The following BICC1 variants were observed in gnomAD, a reference collection of about 807,000 sequenced individuals.
BICC1 encodes BicC family RNA binding protein 1.
Under a neutral mutation model 111.0 loss-of-function variants are expected in BICC1, and 43 were observed. The observed-to-expected ratio is 0.39, with a 90% CI of 0.30 to 0.50. The LOEUF is 0.50. Ranked by LOEUF, BICC1 falls within the 20% of genes least tolerant of loss-of-function variation. The pLI is 0.88. For synonymous variants in BICC1, 467 were observed against 434.4 expected (o/e 1.07, Z -0.93); for missense variants, 1,091 against 1,203.2 (o/e 0.91, Z 1.38).
intron 1 of BICC1, among the ~76,000 whole-genome samples, chr10:58,574,047 G>T (rs1010064493): frequency 1.4e-4 from 21 of 152,108 alleles, no homozygotes; most frequent in Non-Finnish European, 2.9e-4. Context: ...TGACTCTGGA[G>T]TGTGAGCCTC....
intron 1 of BICC1, among the ~76,000 whole-genome samples, chr10:58,600,329 A>G (rs1350517947): frequency 6.6e-6 from 1 of 152,148 alleles, no homozygotes; most frequent in African/African-American, 2.4e-5. Flanking sequence ...CTGAGTAGGT[A>G]CAGTTAAGCT....
intron 2 of BICC1, among the ~76,000 whole-genome samples, chr10:58,668,082 G>A (rs562668541): frequency 1.8e-4 from 27 of 152,036 alleles, no homozygotes; most frequent in East Asian, 7.7e-4. Context: ...AATATTTCAC[G>A]GTCATCCGGC....
At chr10:58,755,654 A>G (rs1303214971) in intron 3 of BICC1, among the ~76,000 whole-genome samples, 2 of 151,494 alleles carry the variant, frequency 1.3e-5, no homozygotes, top group Admixed American at 6.6e-5. Context: ...TTAAAATTAC[A>G]TTCCTGTCTT....
chr10:58,567,236 A>G (rs961760338), intron 1 of BICC1, among the ~76,000 whole-genome samples: 2 of 152,122 alleles, frequency 1.3e-5, no homozygotes, highest in African/African-American at 4.8e-5. Context: ...GCTTAAGGGT[A>G]TAAACTTTAG....
chr10:58,619,982 C>G (rs542783481), intron 1 of BICC1, among the ~76,000 whole-genome samples: 1 of 152,314 alleles, frequency 6.6e-6, no homozygotes, highest in South Asian at 2.1e-4. Flanking sequence ...GTTCTCACTT[C>G]AGTACCTTTC....
intron 3 of BICC1, among the ~76,000 whole-genome samples, chr10:58,750,029 TGACATG>T (rs1249242297): frequency 3.9e-5 from 6 of 152,104 alleles, no homozygotes; most frequent in Non-Finnish European, 7.4e-5. Flanking sequence ...ACCTGGTGTT[TGACATG>T]GACTTTGAAG....
chr10:58,555,064 A>G (rs553664041), intron 1 of BICC1, among the ~76,000 whole-genome samples: 2 of 152,118 alleles, frequency 1.3e-5, no homozygotes, highest in South Asian at 4.1e-4. Flanking sequence ...GAAAAAGAAC[A>G]AGTAATAAGT....
intron 3 of BICC1, among the ~76,000 whole-genome samples, chr10:58,784,424 T>G (rs1842955796): frequency 3.3e-5 from 5 of 152,220 alleles, no homozygotes; most frequent in Admixed American, 3.3e-4. Flanking sequence ...AAGTTAAGGT[T>G]TTTTTTCTAT....
At position 58,805,258 on chromosome 10, in the gene BICC1, A is replaced by G. The variant is rs568864118; in HGVS notation, c.2182-1326A>G. On this transcript the variant is annotated intron_variant, in intron 15 of 20. Coordinates refer to ENST00000373886, the MANE Select transcript of BICC1 (RefSeq NM_001080512.3). ...CAGTGACCTGAGATTGCACCACTGC[A>G]CTCCAGCCTGGGCAACAGAGCGAGA... 2.6e-5 allele frequency among the ~76,000 whole-genome samples: 4 copies of G among 151,752 alleles called. No individual in the cohort carries two copies. In the East Asian group the frequency reaches 7.8e-4, roughly 30 times the overall value.
At chr10:58,648,588 T>C (rs1215839837) in intron 2 of BICC1, 1 of 983,714 alleles carries the variant, frequency 1.0e-6, no homozygotes, top group Non-Finnish European at 1.2e-6. Flanking sequence ...TTAGTGCCTC[T>C]CTCTCTCTCT....
chr10:58,658,787 C>A (rs938621263), intron 2 of BICC1, among the ~76,000 whole-genome samples: 31 of 152,052 alleles, frequency 2.0e-4, no homozygotes, highest in African/African-American at 6.8e-4. Context: ...ATTCCTGGAG[C>A]ATTTTCCTGG....
At chr10:58,761,852 C>T (rs930040692) in intron 3 of BICC1, among the ~76,000 whole-genome samples, 2 of 152,184 alleles carry the variant, frequency 1.3e-5, no homozygotes, top group Admixed American at 6.5e-5. Flanking sequence ...CTGAGAAGTT[C>T]CTATCCATCA....
chr10:58,716,721 G>A (rs1398583930), intron 3 of BICC1, among the ~76,000 whole-genome samples: 1 of 147,596 alleles, frequency 6.8e-6, no homozygotes, highest in Non-Finnish European at 1.5e-5. Context: ...TAAGATAAGT[G>A]TAGTTTAATT....
intron 3 of BICC1, among the ~76,000 whole-genome samples, chr10:58,733,140 AT>A (rs1841368674): frequency 6.6e-6 from 1 of 152,208 alleles, no homozygotes; most frequent in South Asian, 2.1e-4. Context: ...GAGATTAAAC[AT>A]GATTGTAGCT....
At chr10:58,714,041 C>A (rs1840658654) in intron 3 of BICC1, among the ~76,000 whole-genome samples, 1 of 152,124 alleles carries the variant, frequency 6.6e-6, no homozygotes, top group African/African-American at 2.4e-5. Context: ...GAGGGTAGAG[C>A]CGAGGGCCGC....
At chr10:58,610,969 T>G (rs542042075) in intron 1 of BICC1, among the ~76,000 whole-genome samples, 48 of 152,310 alleles carry the variant, frequency 3.2e-4, no homozygotes, top group African/African-American at 1.1e-3. Flanking sequence ...AGTACTAGGT[T>G]GGTTAAAGCC....
intron 3 of BICC1, among the ~76,000 whole-genome samples, chr10:58,743,289 A>G (rs938345151): frequency 2.0e-5 from 3 of 152,102 alleles, no homozygotes; most frequent in Non-Finnish European, 1.5e-5. Context: ...TTAAGAAAAT[A>G]CTATCTCCAG....
chr10:58,759,088 T>C (rs1842229494), intron 3 of BICC1, among the ~76,000 whole-genome samples: 1 of 151,952 alleles, frequency 6.6e-6, no homozygotes, highest in African/African-American at 2.4e-5. Flanking sequence ...GCCTCCTGAG[T>C]AGCTGGGATT....
At chr10:58,759,333 A>G (rs569961996) in intron 3 of BICC1, among the ~76,000 whole-genome samples, 1 of 152,308 alleles carries the variant, frequency 6.6e-6, no homozygotes, top group African/African-American at 2.4e-5. Flanking sequence ...AAATTTCAAT[A>G]TAAACAAAAA....
Sources: gnomAD v4.1 joint callset for allele counts (sites outside exome capture counted in the v4.1 genomes callset) on GRCh38, gnomAD v4.1.1 for gene constraint, MANE v1.5 for transcripts, NCBI Gene and HGNC (gene_info 2026-07-23, HGNC 2026-07-21) for gene names.